Variants in NPY1R observed in about 807,000 individuals in gnomAD.
NPY1R encodes the protein neuropeptide Y receptor type 1.
Under a neutral mutation model 24.1 loss-of-function variants are expected in NPY1R, and 10 were observed. The ratio of observed to expected loss-of-function variants is 0.42; its 90% CI spans 0.26 to 0.71. The LOEUF (loss-of-function observed/expected upper bound fraction) is 0.71. Among genes scored for constraint, NPY1R ranks in the 30% least tolerant of loss-of-function variants. The pLI, the probability that NPY1R is intolerant of heterozygous loss-of-function variation, is 0.28. For missense variants in NPY1R, 350 were observed against 458.0 expected (o/e 0.76, Z 2.15); for synonymous variants, 168 against 165.9 (o/e 1.01, Z -0.10).
chr4:163,326,673 T>C lies in NPY1R; in HGVS notation c.-119A>G, dbSNP rs534431954. The C allele has an allele frequency of 1.6e-6, 1 of 639,308 alleles. No individual in the cohort carries two copies. Among genetic ancestry groups the C allele is most frequent in the Non-Finnish European group, 2.7e-6 (1 of 371,668 alleles). The allele number at this position is 639,308 out of a possible 1,614,324, so 39.6% of individuals were successfully genotyped here. ...TATTGGAATCCATTTACCAAAATTA[T>C]TCTGAATTCTTCATTCCCTTGAACT... On this transcript the variant is annotated 5_prime_UTR_variant, in exon 2 of 3. Transcript: ENST00000296533.
At chr4:163,328,497 A>G (rs551198184) in intron 1 of NPY1R, among the ~76,000 whole-genome samples, 2 of 152,348 alleles carry the variant, frequency 1.3e-5, no homozygotes, top group South Asian at 4.1e-4. Flanking sequence ...GTTTCCCTTC[A>G]TTATTTGAAG....
At chr4:163,327,175 C>T (rs1355468579) in intron 1 of NPY1R, among the ~76,000 whole-genome samples, 2 of 152,164 alleles carry the variant, frequency 1.3e-5, no homozygotes, top group African/African-American at 4.8e-5. Context: ...ACCATACATA[C>T]ACTGCACTGC....
chr4:163,343,562 C>T (rs892423349), intron 1 of NPY1R, among the ~76,000 whole-genome samples: 1 of 151,764 alleles, frequency 6.6e-6, no homozygotes, highest in African/African-American at 2.4e-5. Context: ...ATACTAAGAA[C>T]TTAGGGGCAC....
intron 1 of NPY1R, among the ~76,000 whole-genome samples, chr4:163,339,722 A>T (rs571317199): frequency 2.6e-4 from 40 of 152,148 alleles, no homozygotes; most frequent in Non-Finnish European, 5.1e-4. Context: ...TATACATTTT[A>T]TGCATAGTCT....
At position 163,325,047 on chromosome 4, in the gene NPY1R, T is replaced by C; in HGVS notation, c.*256A>G. ...GTACAGTATAAAAGTCTTTATATTA[T>C]ATGCATAAATTCACAAAAAGCACTT... is the stretch of plus-strand genomic sequence containing the variant. On this transcript the variant is annotated 3_prime_UTR_variant, in exon 3 of 3. Coordinates refer to ENST00000296533, the MANE Select transcript of NPY1R (RefSeq NM_000909.6). The C allele has an allele frequency of 2.3e-6, 1 of 432,280 alleles. No homozygotes were observed. The highest frequency in any genetic ancestry group is 3.0e-5 in the South Asian group (1 of 33,226). 26.8% of individuals were successfully genotyped at this position (432,280 alleles called of 1,614,324 possible). A position where few individuals can be genotyped will look rare whatever the true frequency, so the allele number is the denominator to read the frequency against.
At position 163,324,750 on chromosome 4, in the gene NPY1R, A is replaced by G. The variant is rs1734565599; in HGVS notation, c.*553T>C. On this transcript the variant is annotated 3_prime_UTR_variant, in exon 3 of 3. Coordinates refer to ENST00000296533, the MANE Select transcript of NPY1R (RefSeq NM_000909.6). ...ATCCTCCCTTAAGGTGAAAAAAAAA[A>G]AAAACAAACAAAAACCACCAAAAAA... 1 of 151,594 alleles carries G rather than the reference A, an allele frequency of 6.6e-6. No homozygotes were observed. Among genetic ancestry groups the G allele is most frequent in the African/African-American group, 2.4e-5 (1 of 41,312 alleles). 9.4% of individuals were successfully genotyped at this position (151,594 alleles called of 1,614,324 possible).
rs1734757589 is a variant in NPY1R at position 163,332,530 on chromosome 4, G to A, written c.-200C>T. ...GCTCCTGCTTATTAAAGAAGGAAGG[G>A]TGGGAATGGAAGGGAGCAGAGTGGG... On this transcript the variant is annotated 5_prime_UTR_variant, in exon 1 of 3. Transcript: ENST00000296533. 6.6e-6 allele frequency: 1 copy of A among 152,302 alleles called. No individual in the cohort carries two copies. The highest frequency in any genetic ancestry group is 1.5e-5 in the Non-Finnish European group (1 of 68,120). The allele number at this position is 152,302 out of a possible 1,614,324, so 9.4% of individuals were successfully genotyped here.
In NPY1R at chr4:163,325,283, A is replaced by C; in HGVS notation, c.*20T>G. 1 of 1,547,292 alleles carries C rather than the reference A, an allele frequency of 6.5e-7. No individual in the cohort carries two copies. The highest frequency in any genetic ancestry group is 8.8e-7 in the Non-Finnish European group (1 of 1,131,316). On this transcript the variant is annotated 3_prime_UTR_variant, in exon 3 of 3. Coordinates refer to ENST00000296533, the MANE Select transcript of NPY1R (RefSeq NM_000909.6). ...TGTTTTTAAACAGATGTCATCCGGG[A>C]CCATAGGCTATAAGTAGTTTCAGAT...
chr4:163,325,622 A>G lies in NPY1R; in HGVS notation c.836T>C (p.Leu279Pro), dbSNP rs1391508926. 1 of 1,612,338 alleles carries G rather than the reference A, an allele frequency of 6.2e-7. No individual in the cohort carries two copies. The highest frequency in any genetic ancestry group is 8.5e-7 in the Non-Finnish European group (1 of 1,179,954). Residue 279 changes from leucine (L) to proline (P), a missense_variant, in exon 3 of 3, where the codon CTT becomes CCT. By Grantham distance (98) the Leu-to-Pro change is moderately conservative. Transcript: ENST00000296533. ...VVAFAVCWLP[L>P]TIFNTVFDWN... is the part of the protein sequence containing the mutation. ...ATCAAACACAGTGTTAAAGATGGTA[A>G]GAGGGAGCCAGCAGACTGCAAATGC...
At chr4:163,343,416 T>A (rs1289923665) in intron 1 of NPY1R, among the ~76,000 whole-genome samples, 2 of 152,014 alleles carry the variant, frequency 1.3e-5, no homozygotes, top group African/African-American at 2.4e-5. Flanking sequence ...CCTCCACTCT[T>A]CCTTACTTCA....
chr4:163,328,188 T>C (rs577800782), intron 1 of NPY1R, among the ~76,000 whole-genome samples: 3 of 152,114 alleles, frequency 2.0e-5, no homozygotes, highest in East Asian at 3.9e-4. Context: ...TATTAAAGAA[T>C]GGTAATGGAA....
chr4:163,342,954 T>TC, intron 1 of NPY1R, among the ~76,000 whole-genome samples: 2 of 133,048 alleles, frequency 1.5e-5, no homozygotes, highest in Non-Finnish European at 3.0e-5. Flanking sequence ...CTCCCTTCTC[T>TC]CCTTCTCTCT....
chr4:163,336,244 T>C (rs1334253079), upstream of NPY1R, among the ~76,000 whole-genome samples: 1 of 152,176 alleles, frequency 6.6e-6, no homozygotes, highest in Non-Finnish European at 1.5e-5. Context: ...TAAAATTTAG[T>C]AAATAGCCAA....
upstream of NPY1R, among the ~76,000 whole-genome samples, chr4:163,333,469 T>TAC (rs879626316): frequency 4.3e-4 from 64 of 150,454 alleles, no homozygotes; most frequent in East Asian, 9.7e-4. Context: ...AACACACACA[T>TAC]ACACACACAC....
Position 163,325,464 on chromosome 4 carries a change from G to C in NPY1R, c.994C>G (p.Gln332Glu). 1 of 1,614,088 alleles carries C rather than the reference G, an allele frequency of 6.2e-7. No homozygotes were observed. ...AAATCACAAAAGTTGAAGAAGAACT[G>C]CAAGTCTCTCTGGAAGTTTTTGTTC... ...FLNKNFQRDLQFFFNFCDFRS... is the reference protein window; with the variant it reads ...FLNKNFQRDLEFFFNFCDFRS... The change falls in exon 3 of 3, where the codon CAG (glutamine) becomes GAG (glutamate). Residue 332 changes from glutamine to glutamate, a missense_variant. Coordinates refer to ENST00000296533, the MANE Select transcript of NPY1R (RefSeq NM_000909.6).
upstream of NPY1R, among the ~76,000 whole-genome samples, chr4:163,335,563 T>C (rs952230861): frequency 6.6e-6 from 1 of 152,164 alleles, no homozygotes; most frequent in Non-Finnish European, 1.5e-5. Context: ...TAAATTACCA[T>C]GAATTGTCAC....
chr4:163,334,940 T>C (rs1370648261), upstream of NPY1R, among the ~76,000 whole-genome samples: 1 of 151,988 alleles, frequency 6.6e-6, no homozygotes, highest in Admixed American at 6.6e-5. Flanking sequence ...CTAGGATTCT[T>C]TCCAATGTGA....
At position 163,326,595 on chromosome 4, in the gene NPY1R, G is replaced by C. The variant is rs771704801; in HGVS notation, c.-41C>G. The stretch of plus-strand genomic sequence containing the variant: ...TGTTATAGATTATTTTAGACAAATG[G>C]ACAGTATGTTTCTTCAAAGCAGGTC... On this transcript the variant is annotated 5_prime_UTR_variant, in exon 2 of 3. Coordinates refer to ENST00000296533, the MANE Select transcript of NPY1R (RefSeq NM_000909.6). The C allele has an allele frequency of 7.9e-6, 10 of 1,264,886 alleles. No homozygotes were observed. Among genetic ancestry groups the C allele is most frequent in the Non-Finnish European group, 8.9e-6 (8 of 893,890 alleles). 78.4% of individuals were successfully genotyped at this position (1,264,886 alleles called of 1,614,324 possible). A position where few individuals can be genotyped will look rare whatever the true frequency, so the allele number is the denominator to read the frequency against.
rs1734559325 is a variant in NPY1R, at chr4:163,324,506, AT to A, written c.*796del. The stretch of plus-strand genomic sequence containing the variant: ...TTGACCATCAATTCAAATAAATATA[AT>A]TTAACTATTTGCAGCAATACTAATT... On this transcript the variant is annotated 3_prime_UTR_variant, in exon 3 of 3. Transcript: ENST00000296533. The A allele has an allele frequency of 6.6e-6, 1 of 152,162 alleles. No individual in the cohort carries two copies. Among genetic ancestry groups the A allele is most frequent in the South Asian group, 2.1e-4 (1 of 4,832 alleles). 9.4% of individuals were successfully genotyped at this position (152,162 alleles called of 1,614,324 possible).
Sources: allele counts gnomAD v4.1 joint callset (sites outside exome capture counted in the v4.1 genomes callset), GRCh38; gene constraint gnomAD v4.1.1; transcripts MANE v1.5; gene names NCBI Gene and HGNC (gene_info 2026-07-23, HGNC 2026-07-21).